Variants in GPN1 observed in about 807,000 individuals in gnomAD.
GPN1 encodes GPN-loop GTPase 1.
GPN1 carries 44 observed loss-of-function variants against 55.9 expected under a neutral mutation model. That is an observed-to-expected ratio of 0.79 (90% confidence interval 0.62 to 1.01). GPN1 has a LOEUF of 1.01. GPN1 is among the 50% of genes least tolerant of loss of function. GPN1 has a pLI of 0.00. For synonymous variants in GPN1, 179 were observed against 162.5 expected, an observed-to-expected ratio of 1.10 and a Z score of -0.77; for missense variants, 466 against 462.8, an observed-to-expected ratio of 1.01 and a Z score of -0.06.
In GPN1 at chr2:27,631,050, A is replaced by G. The variant is rs1558485410; in HGVS notation, c.229A>G (p.Lys77Glu). 7.2e-7 allele frequency: 1 copy of G among 1,379,892 alleles called. No individual in the cohort carries two copies. 85.5% of individuals were successfully genotyped at this position (1,379,892 alleles called of 1,614,324 possible). A position where few individuals can be genotyped will look rare whatever the true frequency, so the allele number is the denominator to read the frequency against. Residue 77 changes from lysine to glutamate, a missense_variant, in exon 3 of 14, where the codon AAA becomes GAA. Transcript: ENST00000610189. ...NIDIRDTVKYKEVMKQYGLGP... is the reference protein window; with the variant it reads ...NIDIRDTVKYEEVMKQYGLGP... Reference sequence around the variant, plus strand: ...AGATATTCGTGATACTGTAAAGTATAAAGAAGTAATGAAACAGTATCCTTT... The same window carrying G: ...AGATATTCGTGATACTGTAAAGTATGAAGAAGTAATGAAACAGTATCCTTT...
chr2:27,629,076 T>G lies in GPN1; in HGVS notation c.18T>G (p.Ala6=), dbSNP rs757461424. The change falls in exon 1 of 14, where the codon GCT becomes GCG. Residue 6 remains alanine, a synonymous_variant. Coordinates refer to ENST00000610189, the MANE Select transcript of GPN1 (RefSeq NM_007266.4). The part of the protein sequence containing the change: MAASA[A]AAELQASGGP... ...GGAGGAAGATGGCGGCGTCCGCAGCTGCCGCTGAGCTCCAGGCTTCTGGGG... is the reference window on the plus strand; with the variant it reads ...GGAGGAAGATGGCGGCGTCCGCAGCGGCCGCTGAGCTCCAGGCTTCTGGGG... The G allele has an allele frequency of 3.5e-5, 57 of 1,614,116 alleles. No homozygotes were observed. In the East Asian group the frequency reaches 8.5e-4, roughly 24 times the overall value.
intron 8 of GPN1, 26 bp from the exon 9 acceptor site, chr2:27,638,859 T>C: frequency 6.3e-7 from 1 of 1,578,838 alleles, no homozygotes; most frequent in Non-Finnish European, 8.6e-7. Flanking sequence ...CTCTGGTTGC[T>C]CATAATTGAC....
chr2:27,629,708 TGA>T, intron 1 of GPN1, 149 bp from the exon 2 acceptor site: 1 of 632,006 alleles, frequency 1.6e-6, no homozygotes, highest in Non-Finnish European at 2.9e-6. Flanking sequence ...GCATTTGAAC[TGA>T]GAGTTGTATC....
At chr2:27,642,943 TTATATA>T (rs774839303) in intron 12 of GPN1, among the ~76,000 whole-genome samples, 3 of 128,502 alleles carry the variant, frequency 2.3e-5, no homozygotes, top group African/African-American at 8.5e-5. Flanking sequence ...AAATGTGGTT[TTATATA>T]TATATATATA....
chr2:27,634,767 T>G (rs1673667934), intron 5 of GPN1, 79 bp from the exon 6 acceptor site: 1 of 857,412 alleles, frequency 1.2e-6, no homozygotes, highest in East Asian at 2.4e-5. Flanking sequence ...GATAACCAGA[T>G]GTTTATTGTC....
chr2:27,630,075 C>CAGGA (rs1327229749), intron 2 of GPN1, 123 bp downstream of exon 2: 1 of 656,950 alleles, frequency 1.5e-6, no homozygotes, highest in Non-Finnish European at 2.8e-6. Flanking sequence ...ATCACGAGGT[C>CAGGA]AGGAGTTCAA....
At chr2:27,645,879 G>T (rs1425733224) in intron 12 of GPN1, among the ~76,000 whole-genome samples, 1 of 151,786 alleles carries the variant, frequency 6.6e-6, no homozygotes, top group East Asian at 1.9e-4. Flanking sequence ...AGAGGTGCCT[G>T]CCACCATGCC....
chr2:27,640,299 G>GT lies in GPN1; in HGVS notation c.800+182dup, dbSNP rs541505160. Among the ~76,000 whole-genome samples the GT allele has an allele frequency of 6.9e-4, 105 of 151,946 alleles. 1 individual carries two copies. Among genetic ancestry groups the GT allele is most frequent in the African/African-American group, 2.3e-3 (94 of 41,460 alleles). ...GGGTGACAAGTTCCCTTTAAATTTT[G>GT]TTTTTTTTAAATAGAAGTATAAATC... On this transcript the variant is annotated intron_variant, in intron 10 of 13. Coordinates refer to ENST00000610189, the MANE Select transcript of GPN1 (RefSeq NM_007266.4).
chr2:27,628,878 C>T, upstream of GPN1: 1 of 1,465,172 alleles, frequency 6.8e-7, no homozygotes, highest in Non-Finnish European at 9.0e-7. Context: ...ACTTCCTCGC[C>T]ACTGTCACTA....
At chr2:27,630,338 A>C (rs1673489836) in intron 2 of GPN1, among the ~76,000 whole-genome samples, 3 of 144,472 alleles carry the variant, frequency 2.1e-5, no homozygotes, top group African/African-American at 2.6e-5. Flanking sequence ...TTTCTAAACT[A>C]TCTACTTTCA....
chr2:27,639,476 A>G (rs978331933), intron 9 of GPN1, among the ~76,000 whole-genome samples: 2 of 152,128 alleles, frequency 1.3e-5, no homozygotes, highest in African/African-American at 4.8e-5. Context: ...TAGGGAATAG[A>G]TAATAAGTCC....
chr2:27,648,358 A>G (rs1674345883), intron 13 of GPN1, among the ~76,000 whole-genome samples: 1 of 152,078 alleles, frequency 6.6e-6, no homozygotes. Flanking sequence ...ACTCTCTACA[A>G]AAAAGAAAAA....
Position 27,629,073 on chromosome 2 carries a change from A to G in GPN1, c.15A>G (p.Ala5=). 1 of 1,614,168 alleles carries G rather than the reference A, an allele frequency of 6.2e-7. No individual in the cohort carries two copies. Among genetic ancestry groups the G allele is most frequent in the Non-Finnish European group, 8.5e-7 (1 of 1,180,028 alleles). The change falls in exon 1 of 14, where the codon GCA becomes GCG. Residue 5 remains alanine, a synonymous_variant. Transcript: ENST00000610189. MAAS[A]AAAELQASGG... ...CCAGGAGGAAGATGGCGGCGTCCGC[A>G]GCTGCCGCTGAGCTCCAGGCTTCTG...
At position 27,650,235 on chromosome 2, in the gene GPN1, C is replaced by A; in HGVS notation, c.*35C>A. ...GCACACTTCACTTGTTTCTAGAAGTCCAGAATTTTGGACCTCCACGTGAAA... is the reference window on the plus strand; with the variant it reads ...GCACACTTCACTTGTTTCTAGAAGTACAGAATTTTGGACCTCCACGTGAAA... On this transcript the variant is annotated 3_prime_UTR_variant, in exon 14 of 14. Transcript: ENST00000610189. The A allele has an allele frequency of 7.6e-7, 1 of 1,308,680 alleles. No homozygotes were observed. The allele number at this position is 1,308,680 out of a possible 1,614,324, so 81.1% of individuals were successfully genotyped here.
chr2:27,633,442 A>T (rs1238603052), intron 5 of GPN1, among the ~76,000 whole-genome samples: 1 of 152,048 alleles, frequency 6.6e-6, no homozygotes, highest in Non-Finnish European at 1.5e-5. Context: ...AGTAGCTGGG[A>T]CTACAGGTGT....
At chr2:27,645,635 A>T (rs1674191985) in intron 12 of GPN1, among the ~76,000 whole-genome samples, 1 of 150,856 alleles carries the variant, frequency 6.6e-6, no homozygotes, top group Admixed American at 6.6e-5. Context: ...GGTTTTTCTT[A>T]TTTCTTTTTA....
At chr2:27,638,741 G>A (rs1673828851) in intron 8 of GPN1, 144 bp from the exon 9 acceptor site, 1 of 648,914 alleles carries the variant, frequency 1.5e-6, no homozygotes, top group Non-Finnish European at 2.6e-6. Context: ...GTGGTTCTTT[G>A]TGGCTTGTTG....
intron 13 of GPN1, among the ~76,000 whole-genome samples, chr2:27,649,026 C>G (rs1023785465): frequency 1.3e-5 from 2 of 151,492 alleles, no homozygotes; most frequent in East Asian, 4.0e-4. Flanking sequence ...GGCGGATCAC[C>G]TGAGGCCAGG....
rs143625754 is a variant in GPN1, at chr2:27,630,158, G to A, written c.205+206G>A. Among the ~76,000 whole-genome samples, 789 of 152,130 alleles carry A rather than the reference G, an allele frequency of 5.2e-3. 2 individuals are homozygous for A. The highest frequency in any genetic ancestry group is 0.017 in the Middle Eastern group (5 of 294). ...AAAAATTAGCCAGGCACGGTGGCAGGCACCTGTAATTCCAGCTACTCGGGA... is the reference window on the plus strand; with the variant it reads ...AAAAATTAGCCAGGCACGGTGGCAGACACCTGTAATTCCAGCTACTCGGGA... On this transcript the variant is annotated intron_variant, in intron 2 of 13. Transcript: ENST00000610189.
Sources: allele counts gnomAD v4.1 joint callset (sites outside exome capture counted in the v4.1 genomes callset), GRCh38; gene constraint gnomAD v4.1.1; transcripts MANE v1.5; gene names NCBI Gene and HGNC (gene_info 2026-07-23, HGNC 2026-07-21).